The following PALS2 variants were observed in gnomAD, a reference collection of about 807,000 sequenced individuals.
PALS2 encodes the protein protein associated with LIN7 2, MAGUK p55 family member.
PALS2 carries 27 observed loss-of-function variants against 61.6 expected under a neutral mutation model. That is an observed-to-expected ratio of 0.44 (90% CI 0.32 to 0.60). The LOEUF is 0.60. PALS2 is among the 20% of genes least tolerant of loss of function. The pLI is 0.05. For synonymous variants in PALS2, 236 were observed against 218.6 expected (o/e 1.08, Z -0.70); for missense variants, 554 against 639.4 (o/e 0.87, Z 1.44).
At chr7:24,610,715 TTTC>T (rs1314341630) in intron 1 of PALS2, among the ~76,000 whole-genome samples, 1 of 152,170 alleles carries the variant, frequency 6.6e-6, no homozygotes, top group Non-Finnish European at 1.5e-5. Context: ...TCAGTTCTTT[TTTC>T]TTTATCATCT....
intron 1 of PALS2, among the ~76,000 whole-genome samples, chr7:24,586,208 A>G (rs1783059816): frequency 2.6e-5 from 4 of 151,920 alleles, no homozygotes; most frequent in South Asian, 4.1e-4. Flanking sequence ...GCCATATTTA[A>G]TTTTATTTAG....
At chr7:24,636,192 A>C (rs1250345459) in intron 2 of PALS2, among the ~76,000 whole-genome samples, 2 of 150,914 alleles carry the variant, frequency 1.3e-5, no homozygotes, top group East Asian at 3.9e-4. Flanking sequence ...AGCCTGGGCA[A>C]CAAGAGCAAA....
rs1360903524 is a variant in PALS2, at chr7:24,618,438, G to T, written c.-2-5228G>T. Among the ~76,000 whole-genome samples, 1 of 152,350 alleles carries T rather than the reference G, an allele frequency of 6.6e-6. No individual in the cohort carries two copies. Among genetic ancestry groups the T allele is most frequent in the Non-Finnish European group, 1.5e-5 (1 of 68,034 alleles). The stretch of plus-strand genomic sequence containing the variant: ...CTCCTAGGCTGGAAAAGTGCAGGGT[G>T]TACTTCAGAAATGGTTCTGGTCTCA... On this transcript the variant is annotated intron_variant, in intron 1 of 11. Transcript: ENST00000222644. The surrounding 1 kb of genome is among the most constrained non-coding windows in gnomAD (Gnocchi z 5.1).
chr7:24,674,295 T>C (rs1787452053), intron 9 of PALS2: 1 of 153,074 alleles, frequency 6.5e-6, no homozygotes, highest in South Asian at 2.1e-4. Flanking sequence ...AAGCAAGAAA[T>C]GTAGTGCCCT....
intron 9 of PALS2, among the ~76,000 whole-genome samples, chr7:24,670,986 C>T (rs1282683700): frequency 6.6e-6 from 1 of 152,158 alleles, no homozygotes; most frequent in African/African-American, 2.4e-5. Flanking sequence ...CTACACTCAG[C>T]ATTTGTATAC....
intron 2 of PALS2, among the ~76,000 whole-genome samples, chr7:24,626,363 G>A (rs1462079179): frequency 6.6e-6 from 1 of 152,126 alleles, no homozygotes; most frequent in East Asian, 1.9e-4. Flanking sequence ...TCTAATATAT[G>A]TAGTTTGTAT....
chr7:24,643,364 A>G (rs1437301500), intron 3 of PALS2, among the ~76,000 whole-genome samples: 2 of 152,130 alleles, frequency 1.3e-5, no homozygotes, highest in Non-Finnish European at 2.9e-5. Context: ...AAATGAAGAC[A>G]TTGCTTTTCT....
Position 24,600,194 on chromosome 7 carries a change from A to C in PALS2, c.-2-23472A>C, listed in dbSNP as rs796464329. Among the ~76,000 whole-genome samples the C allele has an allele frequency of 4.0e-4, 61 of 152,286 alleles. 1 individual carries two copies. The highest frequency in any genetic ancestry group is 1.4e-3 in the African/African-American group (59 of 41,560). ...TTCATTGTTGGGGTTCATGTTTTCA[A>C]ACTTGTTAAGCAGCTTGTTGAAGTC... is the stretch of plus-strand genomic sequence containing the variant. On this transcript the variant is annotated intron_variant, in intron 1 of 11. Coordinates refer to ENST00000222644, the MANE Select transcript of PALS2 (RefSeq NM_001303037.2).
rs1782526663 is a variant in PALS2, at chr7:24,573,554, G to C, written c.-42G>C. The C allele has an allele frequency of 7.8e-6, 3 of 386,516 alleles. No individual in the cohort carries two copies. Among genetic ancestry groups the C allele is most frequent in the African/African-American group, 2.1e-5 (1 of 47,552 alleles). 23.9% of individuals were successfully genotyped at this position (386,516 alleles called of 1,614,324 possible). ...GCGGCGGCGGGGAGCGACCGGGAGC[G>C]GCGGCAGCGGCGGCGCGGAGGCGGC... On this transcript the variant is annotated 5_prime_UTR_variant, in exon 1 of 12. Transcript: ENST00000222644. The surrounding 1 kb of genome is among the most constrained non-coding windows in gnomAD (Gnocchi z 5.3).
chr7:24,647,498 C>G (rs1227940541), intron 3 of PALS2, among the ~76,000 whole-genome samples: 3 of 152,152 alleles, frequency 2.0e-5, no homozygotes, highest in Non-Finnish European at 4.4e-5. Context: ...TTTTCTTCAG[C>G]TCAGCTCTAA....
intron 2 of PALS2, among the ~76,000 whole-genome samples, chr7:24,624,963 C>T (rs906735313): frequency 1.3e-5 from 2 of 152,010 alleles, no homozygotes; most frequent in Non-Finnish European, 2.9e-5. Context: ...GGTATAAAGG[C>T]CCTTAAGTAG....
intron 1 of PALS2, among the ~76,000 whole-genome samples, chr7:24,615,867 A>G (rs1784277422): frequency 6.6e-6 from 1 of 152,140 alleles, no homozygotes; most frequent in African/African-American, 2.4e-5. Context: ...AACATGATCA[A>G]GTGGGATTAC....
chr7:24,657,854 C>T (rs189028756), intron 5 of PALS2, among the ~76,000 whole-genome samples: 20 of 152,002 alleles, frequency 1.3e-4, no homozygotes, highest in African/African-American at 4.8e-4. Flanking sequence ...GTCTATGATA[C>T]GTGTACTGTA....
At chr7:24,678,420 A>C (rs1787739034) in intron 9 of PALS2, among the ~76,000 whole-genome samples, 1 of 152,224 alleles carries the variant, frequency 6.6e-6, no homozygotes, top group African/African-American at 2.4e-5. Flanking sequence ...TCTACCACTG[A>C]AGTATAAAAT....
intron 1 of PALS2, among the ~76,000 whole-genome samples, chr7:24,593,483 CATCA>C (rs959550156): frequency 6.6e-6 from 1 of 152,072 alleles, no homozygotes; most frequent in Non-Finnish European, 1.5e-5. Flanking sequence ...TGCCCACATC[CATCA>C]GAGGAATCAC....
chr7:24,585,420 C>T (rs1378253361), intron 1 of PALS2, among the ~76,000 whole-genome samples: 1 of 152,088 alleles, frequency 6.6e-6, no homozygotes, highest in Non-Finnish European at 1.5e-5. Flanking sequence ...CAGATCCTTT[C>T]TTATGTTCAC....
At chr7:24,602,538 C>T (rs1032688344) in intron 1 of PALS2, among the ~76,000 whole-genome samples, 3 of 152,160 alleles carry the variant, frequency 2.0e-5, no homozygotes, top group Admixed American at 6.5e-5. Flanking sequence ...GAAGACTTCA[C>T]ATCTGCCTGG....
chr7:24,640,880 T>C (rs542276140), intron 2 of PALS2, among the ~76,000 whole-genome samples: 127 of 151,706 alleles, frequency 8.4e-4, no homozygotes, highest in African/African-American at 2.1e-3. Context: ...TGGTGGCGGG[T>C]ACCTGTAGTC....
Position 24,691,336 on chromosome 7 carries a change from T to A in PALS2, c.*3722T>A, listed in dbSNP as rs1788454677. 6.7e-6 allele frequency: 1 copy of A among 150,346 alleles called. No homozygotes were observed. Among genetic ancestry groups the A allele is most frequent in the Non-Finnish European group, 1.5e-5 (1 of 67,492 alleles). The allele number at this position is 150,346 out of a possible 1,614,324, so 9.3% of individuals were successfully genotyped here. On this transcript the variant is annotated 3_prime_UTR_variant, in exon 12 of 12. Coordinates refer to ENST00000222644, the MANE Select transcript of PALS2 (RefSeq NM_001303037.2). ...TGAAAAAGGCAATCCTGAAGTTTTA[T>A]GTACATAGATAGCAGTTCATTTTTT...
Sources: allele counts gnomAD v4.1 joint callset (sites outside exome capture counted in the v4.1 genomes callset), GRCh38; gene constraint gnomAD v4.1.1; non-coding constraint Gnocchi (gnomAD v3.1); transcripts MANE v1.5; gene names NCBI Gene and HGNC (gene_info 2026-07-23, HGNC 2026-07-21).